TAFA2: variants seen among roughly 807,000 people sequenced by gnomAD.
The protein encoded by TAFA2 is chemokine-like protein TAFA-2.
In TAFA2, 7 loss-of-function variants were observed where a neutral mutation model predicts 18.8. The ratio of observed to expected loss-of-function variants is 0.37; its 90% CI spans 0.21 to 0.70. The LOEUF is 0.70. Among genes scored for constraint, TAFA2 ranks in the 30% least tolerant of loss-of-function variants. TAFA2 has a pLI of 0.53. For missense variants in TAFA2, 122 were observed against 158.1 expected, an observed-to-expected ratio of 0.77 and a Z score of 1.23; for synonymous variants, 60 against 54.2, an observed-to-expected ratio of 1.11 and a Z score of -0.47.
chr12:62,018,301 A>T lies in TAFA2; in HGVS notation c.-1-150875T>A, dbSNP rs1371876516. On this transcript the variant is annotated intron_variant, in intron 1 of 4. Transcript: ENST00000416284. ...CAAAACCCATTACATTTCATTGTGAAATCCCCAGTATTATTATTCTCCTTC... is the reference window on the plus strand; with the variant it reads ...CAAAACCCATTACATTTCATTGTGATATCCCCAGTATTATTATTCTCCTTC... Among the ~76,000 whole-genome samples, 5 of 152,338 alleles carry T rather than the reference A, an allele frequency of 3.3e-5. No homozygotes were observed. In the East Asian group the frequency reaches 9.6e-4, roughly 29 times the overall value.
chr12:61,720,895 A>G (rs1323530834), intron 4 of TAFA2: 4 of 517,574 alleles, frequency 7.7e-6, no homozygotes, highest in African/African-American at 5.8e-5. Flanking sequence ...CTACTTCTCC[A>G]TTCGAACTTG....
At chr12:61,822,935 A>G (rs1174871171) in intron 2 of TAFA2, among the ~76,000 whole-genome samples, 1 of 152,180 alleles carries the variant, frequency 6.6e-6, no homozygotes, top group African/African-American at 2.4e-5. Context: ...GTTTATTTTA[A>G]AAGTGTTTCA....
intron 2 of TAFA2, among the ~76,000 whole-genome samples, chr12:61,829,650 T>A (rs1019169871): frequency 7.9e-5 from 12 of 151,634 alleles, no homozygotes; most frequent in African/African-American, 2.7e-4. Context: ...AAAAAACATA[T>A]CAGCTAGATA....
At chr12:62,138,529 C>T (rs1359540305) in intron 1 of TAFA2, among the ~76,000 whole-genome samples, 1 of 152,124 alleles carries the variant, frequency 6.6e-6, no homozygotes, top group East Asian at 1.9e-4. Flanking sequence ...AGTATGTGCA[C>T]AATTAATGTT....
At chr12:61,890,814 G>A (rs1441134540) in intron 1 of TAFA2, among the ~76,000 whole-genome samples, 3 of 152,136 alleles carry the variant, frequency 2.0e-5, no homozygotes, top group Non-Finnish European at 2.9e-5. Context: ...ACCATTTTCA[G>A]TGTTTTCCTT....
chr12:62,200,797 A>G (rs921611222), intron 1 of TAFA2, among the ~76,000 whole-genome samples: 1 of 152,160 alleles, frequency 6.6e-6, no homozygotes, highest in East Asian at 1.9e-4. Flanking sequence ...AAGAATGTCA[A>G]TGGTAGTTTA....
At chr12:61,743,136 T>C (rs770193796) in intron 4 of TAFA2, among the ~76,000 whole-genome samples, 3 of 152,008 alleles carry the variant, frequency 2.0e-5, no homozygotes, top group Non-Finnish European at 4.4e-5. Flanking sequence ...TCACACACAT[T>C]GTTACCCCAT....
chr12:61,840,718 G>C (rs1047163398), intron 2 of TAFA2, among the ~76,000 whole-genome samples: 9 of 152,070 alleles, frequency 5.9e-5, no homozygotes, highest in African/African-American at 2.2e-4. Flanking sequence ...GCCTATTAAA[G>C]GAACAACGAA....
intron 1 of TAFA2, among the ~76,000 whole-genome samples, chr12:62,124,606 A>G (rs1461610896): frequency 1.3e-5 from 2 of 152,186 alleles, no homozygotes; most frequent in African/African-American, 4.8e-5. Context: ...GCCTAAAACA[A>G]ACCATCAGAC....
chr12:62,155,798 A>G (rs1437905167), intron 1 of TAFA2, among the ~76,000 whole-genome samples: 1 of 152,224 alleles, frequency 6.6e-6, no homozygotes, highest in African/African-American at 2.4e-5. Context: ...TCAACTCAAG[A>G]TGGATTAAGG....
At chr12:61,907,575 G>A (rs1005603565) in intron 1 of TAFA2, among the ~76,000 whole-genome samples, 1 of 152,218 alleles carries the variant, frequency 6.6e-6, no homozygotes, top group African/African-American at 2.4e-5. Context: ...CTAAAGCAGT[G>A]TAGAAGAGAA....
At chr12:62,019,505 T>C (rs923947020) in intron 1 of TAFA2, among the ~76,000 whole-genome samples, 1 of 150,992 alleles carries the variant, frequency 6.6e-6, no homozygotes, top group African/African-American at 2.4e-5. Flanking sequence ...AAATGATGAG[T>C]TTATGTCCTT....
intron 1 of TAFA2, chr12:62,253,075 T>C (rs1343729054): frequency 2.0e-5 from 3 of 152,190 alleles, no homozygotes; most frequent in Admixed American, 6.6e-5. Context: ...GGTTGGACAT[T>C]TGGCAGCAGC....
At chr12:61,928,620 A>C (rs1299726061) in intron 1 of TAFA2, among the ~76,000 whole-genome samples, 3 of 152,228 alleles carry the variant, frequency 2.0e-5, no homozygotes, top group Non-Finnish European at 4.4e-5. Flanking sequence ...TTTCTCAAGT[A>C]TCTAGAACCA....
At chr12:62,077,029 T>C (rs1183213121) in intron 1 of TAFA2, among the ~76,000 whole-genome samples, 1 of 152,228 alleles carries the variant, frequency 6.6e-6, no homozygotes, top group African/African-American at 2.4e-5. Flanking sequence ...TCTGATATGT[T>C]CAATATAAAT....
chr12:61,926,234 G>A (rs1364103644), intron 1 of TAFA2, among the ~76,000 whole-genome samples: 1 of 152,210 alleles, frequency 6.6e-6, no homozygotes, highest in Non-Finnish European at 1.5e-5. Context: ...CCCAGGACCA[G>A]ATGGATTCAC....
intron 1 of TAFA2, among the ~76,000 whole-genome samples, chr12:62,111,443 C>T (rs562983724): frequency 3.9e-5 from 6 of 152,134 alleles, no homozygotes; most frequent in Non-Finnish European, 7.3e-5. Flanking sequence ...CAATGTGGTG[C>T]TGAGAAGAAT....
At chr12:62,059,985 CATT>C (rs1882302034) in intron 1 of TAFA2, among the ~76,000 whole-genome samples, 2 of 152,174 alleles carry the variant, frequency 1.3e-5, no homozygotes, top group Admixed American at 6.5e-5. Context: ...TATCAGTTAT[CATT>C]GTTTCAGAAC....
chr12:62,022,395 C>G (rs989578028), intron 1 of TAFA2, among the ~76,000 whole-genome samples: 1 of 152,072 alleles, frequency 6.6e-6, no homozygotes, highest in African/African-American at 2.4e-5. Flanking sequence ...CCATAGCAAA[C>G]ACAACACTGG....
Sources: gnomAD v4.1 joint callset for allele counts (sites outside exome capture counted in the v4.1 genomes callset) on GRCh38, gnomAD v4.1.1 for gene constraint, MANE v1.5 for transcripts, NCBI Gene and HGNC (gene_info 2026-07-23, HGNC 2026-07-21) for gene names.